IGSF6: variants seen among roughly 807,000 people sequenced by gnomAD.
IGSF6 encodes down-regulated by activation (immunoglobulin superfamily).
A neutral mutation model predicts 24.7 loss-of-function variants in IGSF6; 23 were observed. The ratio of observed to expected loss-of-function variants is 0.93; its 90% CI spans 0.67 to 1.32. IGSF6 has a LOEUF of 1.32. Ranked by LOEUF, IGSF6 falls within the 40% of genes most tolerant of loss-of-function variation. The probability of loss-of-function intolerance (pLI) is 0.00; values close to 1 mark genes in which losing one functional copy is unlikely to be tolerated. For missense variants in IGSF6, 295 were observed against 293.6 expected, an observed-to-expected ratio of 1.00 and a Z score of -0.04; for synonymous variants, 110 against 113.7, an observed-to-expected ratio of 0.97 and a Z score of 0.21.
In IGSF6 at chr16:21,641,373, ATTAG is replaced by A. The variant is rs1160349650; in HGVS notation, c.*157_*160del. The A allele has an allele frequency of 2.2e-6, 1 of 452,302 alleles. No homozygotes were observed. The highest frequency in any genetic ancestry group is 3.5e-5 in the East Asian group (1 of 28,562). 28.0% of individuals were successfully genotyped at this position (452,302 alleles called of 1,614,324 possible). On this transcript the variant is annotated 3_prime_UTR_variant, in exon 6 of 6. Transcript: ENST00000268389. ...GGGTTTTAGTATTTTGGTAATGACT[ATTAG>A]TTATAGTTTCCTTACATTCTGACAT...
At chr16:21,650,250 T>A (rs1966532242) in intron 1 of IGSF6, among the ~76,000 whole-genome samples, 1 of 152,206 alleles carries the variant, frequency 6.6e-6, no homozygotes, top group Admixed American at 6.5e-5. Flanking sequence ...CTCACGCCTG[T>A]AATCCCAGCA....
In IGSF6 at chr16:21,643,147, CTCT is replaced by C. The variant is rs775752153; in HGVS notation, c.590_592del (p.Lys197del). On this transcript the variant is annotated inframe_deletion, in exon 5 of 6. Transcript: ENST00000268389. ...AATTTCCTGAAAAATACGCCGAGCA[CTCT>C]TCTTCTATAAAGACAAATGAGAAAA... 9.3e-6 allele frequency: 15 copies of C among 1,604,416 alleles called. No individual in the cohort carries two copies. Among genetic ancestry groups the C allele is most frequent in the Non-Finnish European group, 1.3e-5 (15 of 1,175,120 alleles).
At chr16:21,645,580 AGT>A (rs1432937675) in intron 2 of IGSF6, among the ~76,000 whole-genome samples, 1 of 152,232 alleles carries the variant, frequency 6.6e-6, no homozygotes. Context: ...AAAAAGCTTC[AGT>A]GTGAAAATAG....
At chr16:21,647,671 G>T (rs1402108606) in intron 1 of IGSF6, among the ~76,000 whole-genome samples, 179 bp from the exon 2 acceptor site, 1 of 152,094 alleles carries the variant, frequency 6.6e-6, no homozygotes, top group Non-Finnish European at 1.5e-5. Context: ...CCTGTTTTCT[G>T]ACCTTGACCT....
chr16:21,642,647 A>G (rs1966302293), intron 5 of IGSF6, among the ~76,000 whole-genome samples: 1 of 152,192 alleles, frequency 6.6e-6, no homozygotes, highest in Non-Finnish European at 1.5e-5. Context: ...CATTAGCTGC[A>G]TCTTTTCTAA....
intron 1 of IGSF6, among the ~76,000 whole-genome samples, 194 bp from the exon 2 acceptor site, chr16:21,647,686 G>T (rs570242079): frequency 6.6e-6 from 1 of 152,156 alleles, no homozygotes; most frequent in East Asian, 1.9e-4. Context: ...TGACCTGCTG[G>T]GTCACATGAT....
rs149512321 is a variant in IGSF6, at chr16:21,648,815, C to T, written c.68-1323G>A. Reference sequence around the variant, plus strand: ...CCTATTTGTGTGAGTTTGTCCTTTGCTACTGTAAATGAAACTGAAAAGTCA... The same window carrying T: ...CCTATTTGTGTGAGTTTGTCCTTTGTTACTGTAAATGAAACTGAAAAGTCA... On this transcript the variant is annotated intron_variant, in intron 1 of 5. Coordinates refer to ENST00000268389, the MANE Select transcript of IGSF6 (RefSeq NM_005849.4). 2.8e-4 allele frequency among the ~76,000 whole-genome samples: 43 copies of T among 152,304 alleles called. No individual in the cohort carries two copies. In the East Asian group the frequency reaches 7.7e-3, roughly 27 times the overall value.
rs551517278 is a variant in IGSF6 at position 21,641,309 on chromosome 16, T to G, written c.*225A>C. On this transcript the variant is annotated 3_prime_UTR_variant, in exon 6 of 6. Coordinates refer to ENST00000268389, the MANE Select transcript of IGSF6 (RefSeq NM_005849.4). Reference sequence around the variant, plus strand: ...CAAGTTTAAAATAGAATTTTTTTTCTTGGCAAATTTGGAAGGTATTTTTCA... The same window carrying G: ...CAAGTTTAAAATAGAATTTTTTTTCGTGGCAAATTTGGAAGGTATTTTTCA... 305 of 359,938 alleles carry G rather than the reference T, an allele frequency of 8.5e-4. 4 individuals carry two copies. Among genetic ancestry groups the G allele is most frequent in the African/African-American group, 5.5e-3 (260 of 47,368 alleles). The allele number at this position is 359,938 out of a possible 1,614,324, so 22.3% of individuals were successfully genotyped here.
At chr16:21,646,017 G>C (rs1402473102) in intron 2 of IGSF6, among the ~76,000 whole-genome samples, 2 of 152,184 alleles carry the variant, frequency 1.3e-5, no homozygotes, top group Non-Finnish European at 1.5e-5. Context: ...AGGGCTGGTT[G>C]ATTTTGAGTT....
At chr16:21,648,080 C>T (rs1029824099) in intron 1 of IGSF6, among the ~76,000 whole-genome samples, 7 of 152,296 alleles carry the variant, frequency 4.6e-5, no homozygotes, top group Admixed American at 6.5e-5. Flanking sequence ...AACATGTACA[C>T]CTGTGGAAAT....
rs75889169 is a variant in IGSF6 at position 21,643,213 on chromosome 16, C to T, written c.586-59G>A. 6.1e-3 allele frequency: 7,889 copies of T among 1,295,730 alleles called. 268 individuals are homozygous for T. In the East Asian group the frequency reaches 0.072, roughly 12 times the overall value. The allele number at this position is 1,295,730 out of a possible 1,614,324, so 80.3% of individuals were successfully genotyped here. On this transcript the variant is annotated intron_variant, in intron 4 of 5. Coordinates refer to ENST00000268389, the MANE Select transcript of IGSF6 (RefSeq NM_005849.4). Reference sequence around the variant, plus strand: ...TTGGGAATATAAGCGATGATAACGACGCATCATCAGAACTTTTCTTGCTCT... The same window carrying T: ...TTGGGAATATAAGCGATGATAACGATGCATCATCAGAACTTTTCTTGCTCT...
At chr16:21,652,484 A>G in intron 1 of IGSF6, 48 bp downstream of exon 1, 1 of 1,418,390 alleles carries the variant, frequency 7.1e-7, no homozygotes, top group Non-Finnish European at 9.9e-7. Flanking sequence ...GGTGAAAAAT[A>G]GCAGTTGATT....
At chr16:21,651,494 GT>G (rs1555493559) in intron 1 of IGSF6, among the ~76,000 whole-genome samples, 1 of 151,742 alleles carries the variant, frequency 6.6e-6, no homozygotes, top group Non-Finnish European at 1.5e-5. Flanking sequence ...AGAAATGGGG[GT>G]CTCATTATGT....
intron 1 of IGSF6, among the ~76,000 whole-genome samples, chr16:21,650,399 T>G (rs2141623729): frequency 6.6e-6 from 1 of 151,270 alleles, no homozygotes; most frequent in East Asian, 2.0e-4. Context: ...TCCCAGCTAC[T>G]TGGGAGGCTG....
chr16:21,652,290 G>A, intron 1 of IGSF6: 1 of 381,208 alleles, frequency 2.6e-6, no homozygotes, highest in South Asian at 7.0e-5. Context: ...CAACCCTTTG[G>A]TCAGATTGTC....
In IGSF6 at chr16:21,639,920, CTTTAT is replaced by C. The variant is rs1436082625; in HGVS notation, c.*1609_*1613del. 7.6e-4 allele frequency: 112 copies of C among 147,560 alleles called. No homozygotes were observed. Among genetic ancestry groups the C allele is most frequent in the African/African-American group, 2.5e-3 (101 of 41,038 alleles). The allele number at this position is 147,560 out of a possible 1,614,324, so 9.1% of individuals were successfully genotyped here. On this transcript the variant is annotated 3_prime_UTR_variant, in exon 6 of 6. Coordinates refer to ENST00000268389, the MANE Select transcript of IGSF6 (RefSeq NM_005849.4). ...AGGCAATACCAGTTTAAAAGAAACA[CTTTAT>C]TTTATTTATTTATTTATTTATTTAT...
At chr16:21,652,296 T>C (rs1408393140) in intron 1 of IGSF6, 3 of 396,390 alleles carry the variant, frequency 7.6e-6, no homozygotes, top group Non-Finnish European at 1.3e-5. Context: ...TTTGGTCAGA[T>C]TGTCTCCAAT....
At position 21,641,594 on chromosome 16, in the gene IGSF6, C is replaced by T. The variant is rs2141610099; in HGVS notation, c.667-1G>A. ...TTTCATAAGTGTTGTTATCTTTCTC[C>T]TGCAATAATAAATAAATAGAAAGCC... On this transcript the variant is annotated splice_acceptor_variant, in intron 5 of 5. Transcript: ENST00000268389. LOFTEE classifies it high-confidence loss of function. 1.9e-6 allele frequency: 3 copies of T among 1,559,328 alleles called. No individual in the cohort carries two copies. Among genetic ancestry groups the T allele is most frequent in the Middle Eastern group, 1.7e-4 (1 of 5,948 alleles).
intron 2 of IGSF6, among the ~76,000 whole-genome samples, chr16:21,645,674 T>C (rs1348453848): frequency 6.6e-6 from 1 of 152,232 alleles, no homozygotes; most frequent in African/African-American, 2.4e-5. Flanking sequence ...TCACTTTATA[T>C]AAGCCTTGCA....
Sources: gnomAD v4.1 joint callset for allele counts (sites outside exome capture counted in the v4.1 genomes callset) on GRCh38, gnomAD v4.1.1 for gene constraint, MANE v1.5 for transcripts, NCBI Gene and HGNC (gene_info 2026-07-23, HGNC 2026-07-21) for gene names.